Variants in NSUN7 observed in about 807,000 individuals in gnomAD.
NSUN7 encodes protein NSUN7.
Under a neutral mutation model 58.5 loss-of-function variants are expected in NSUN7, and 39 were observed. The ratio of observed to expected loss-of-function variants is 0.67; its 90% confidence interval spans 0.52 to 0.87. The LOEUF is 0.87. NSUN7 is among the 40% of genes least tolerant of loss of function. The pLI is 0.00. For synonymous variants in NSUN7, 278 were observed against 303.7 expected (o/e 0.92, Z 0.88); for missense variants, 765 against 844.1 (o/e 0.91, Z 1.16).
intron 7 of NSUN7, among the ~76,000 whole-genome samples, chr4:40,780,345 G>T: frequency 6.6e-6 from 1 of 152,142 alleles, no homozygotes. Flanking sequence ...GCTCATTCCT[G>T]TAATTCCATT....
At chr4:40,807,744 T>A (rs893796135) in intron 11 of NSUN7, among the ~76,000 whole-genome samples, 2 of 152,006 alleles carry the variant, frequency 1.3e-5, no homozygotes, top group Non-Finnish European at 2.9e-5. Context: ...TCTTCCCTCA[T>A]ATGTAAGAAA....
At chr4:40,804,741 T>C (rs1294046328) in intron 10 of NSUN7, among the ~76,000 whole-genome samples, 1 of 152,164 alleles carries the variant, frequency 6.6e-6, no homozygotes, top group Non-Finnish European at 1.5e-5. Context: ...CATGCTTCTC[T>C]GGTCTTAGTA....
At chr4:40,767,236 CT>C (rs1325781512) in intron 4 of NSUN7, among the ~76,000 whole-genome samples, 1 of 152,108 alleles carries the variant, frequency 6.6e-6, no homozygotes, top group Non-Finnish European at 1.5e-5. Flanking sequence ...ATAAATTTCC[CT>C]CTACACACTG....
At chr4:40,783,918 G>C (rs2154288221) in intron 7 of NSUN7, among the ~76,000 whole-genome samples, 1 of 151,488 alleles carries the variant, frequency 6.6e-6, no homozygotes, top group Admixed American at 6.6e-5. Context: ...AAAGGGACTT[G>C]TATTCAGAAT....
chr4:40,777,050 AG>A (rs2154287775), intron 7 of NSUN7, among the ~76,000 whole-genome samples: 1 of 152,382 alleles, frequency 6.6e-6, no homozygotes, highest in Admixed American at 6.5e-5. Flanking sequence ...TCACAGGGAT[AG>A]GGAGACAAAA....
intron 9 of NSUN7, among the ~76,000 whole-genome samples, chr4:40,796,144 G>A (rs1013502696): frequency 6.6e-6 from 1 of 152,064 alleles, no homozygotes; most frequent in Admixed American, 6.6e-5. Flanking sequence ...AAACCTGGCG[G>A]ATCACTTGAG....
At chr4:40,802,465 T>C (rs1229768080) in intron 10 of NSUN7, among the ~76,000 whole-genome samples, 2 of 152,228 alleles carry the variant, frequency 1.3e-5, no homozygotes, top group Non-Finnish European at 2.9e-5. Context: ...AGTAGGGTTC[T>C]GGAGGTCCCT....
In NSUN7 at chr4:40,809,753, CAA is replaced by C. The variant is rs1744089210; in HGVS notation, c.*815_*816del. On this transcript the variant is annotated 3_prime_UTR_variant, in exon 12 of 12. Coordinates refer to ENST00000381782, the MANE Select transcript of NSUN7 (RefSeq NM_024677.6). The stretch of plus-strand genomic sequence containing the variant: ...TTTCTGATTCTAAGATCAGGGGATA[CAA>C]CAAAATCTACAAGTCATTTCAAATA... 6.6e-6 allele frequency: 1 copy of C among 152,170 alleles called. No homozygotes were observed. Among genetic ancestry groups the C allele is most frequent in the Non-Finnish European group, 1.5e-5 (1 of 68,018 alleles). 9.4% of individuals were successfully genotyped at this position (152,170 alleles called of 1,614,324 possible). A position where few individuals can be genotyped will look rare whatever the true frequency, so the allele number is the denominator to read the frequency against.
chr4:40,753,440 A>AT (rs1207429746), intron 2 of NSUN7, among the ~76,000 whole-genome samples: 2 of 151,902 alleles, frequency 1.3e-5, no homozygotes, highest in African/African-American at 4.8e-5. Flanking sequence ...CGCCTGGCTA[A>AT]TTTTTTATTT....
At chr4:40,804,313 G>C (rs188010911) in intron 10 of NSUN7, among the ~76,000 whole-genome samples, 2 of 151,908 alleles carry the variant, frequency 1.3e-5, no homozygotes, top group Admixed American at 1.3e-4. Flanking sequence ...GGTGTCAGGC[G>C]CCTGTAATCC....
Position 40,807,101 on chromosome 4 carries a change from A to G in NSUN7, c.1441A>G (p.Ile481Val). Residue 481 changes from isoleucine (I) to valine (V), a missense_variant, in exon 11 of 12, where the codon ATT becomes GTT. Transcript: ENST00000381782. ...TCTTCCACTGTGCTCCTTAAAGGAA[A>G]TTCAATTGTCTACTGATAAATTTTT... ...PVLPLCSLKE[I>V]QLSTDKFFRM... The G allele has an allele frequency of 1.3e-6, 2 of 1,551,718 alleles. No individual in the cohort carries two copies. Among genetic ancestry groups the G allele is most frequent in the African/African-American group, 2.7e-5 (2 of 73,164 alleles).
In NSUN7 at chr4:40,757,629, A is replaced by G. The variant is rs1178934603; in HGVS notation, c.299-2805A>G. On this transcript the variant is annotated intron_variant, in intron 2 of 11. Transcript: ENST00000381782. ...ATATACATTGTGTGTATATATATATACATTGTGTGTATATATATACATTGT... is the reference window on the plus strand; with the variant it reads ...ATATACATTGTGTGTATATATATATGCATTGTGTGTATATATATACATTGT... 3.4e-5 allele frequency among the ~76,000 whole-genome samples: 5 copies of G among 146,670 alleles called. No homozygotes were observed. The Admixed American group carries it at 3.4e-4, about 10-fold the overall frequency.
At chr4:40,802,592 C>A (rs1743633458) in intron 10 of NSUN7, among the ~76,000 whole-genome samples, 1 of 150,878 alleles carries the variant, frequency 6.6e-6, no homozygotes, top group African/African-American at 2.4e-5. Context: ...TACAGCCACA[C>A]CAGCATGTAC....
rs1560553044 is a variant in NSUN7 at position 40,775,177 on chromosome 4, T to C, written c.825+227T>C. ...TAAAGAACATATTCTTCTCCCAGAT[T>C]CCATGAATGGGAAGATTTGCATTGC... On this transcript the variant is annotated intron_variant, in intron 6 of 11. Coordinates refer to ENST00000381782, the MANE Select transcript of NSUN7 (RefSeq NM_024677.6). The surrounding 1 kb of genome is among the most constrained non-coding windows in gnomAD (Gnocchi z 4.3). The C allele has an allele frequency of 4.3e-6, 1 of 233,034 alleles. No homozygotes were observed. The highest frequency in any genetic ancestry group is 8.2e-6 in the Non-Finnish European group (1 of 121,776). 14.4% of individuals were successfully genotyped at this position (233,034 alleles called of 1,614,324 possible). A position where few individuals can be genotyped will look rare whatever the true frequency, so the allele number is the denominator to read the frequency against.
chr4:40,758,363 T>A (rs1485778486), intron 2 of NSUN7, among the ~76,000 whole-genome samples: 3 of 152,228 alleles, frequency 2.0e-5, no homozygotes, highest in Admixed American at 6.5e-5. Flanking sequence ...TTGAAAGTAC[T>A]AAGGATGTGA....
Position 40,808,880 on chromosome 4 carries a change from GA to G in NSUN7, c.2102del (p.Lys701SerfsTer41). On this transcript the variant is annotated frameshift_variant, in exon 12 of 12. Transcript: ENST00000381782. LOFTEE classifies it high-confidence loss of function. ...LPTHSLSRKE[E>X]KPKDDTPSSL... Reference sequence around the variant, plus strand: ...CACACACTCACTATCCAGAAAAGAGGAAAAGCCTAAAGATGACACACCTTCC... The same window carrying G: ...CACACACTCACTATCCAGAAAAGAGGAAAGCCTAAAGATGACACACCTTCC... The G allele has an allele frequency of 1.3e-6, 2 of 1,545,826 alleles. No individual in the cohort carries two copies.
intron 8 of NSUN7, among the ~76,000 whole-genome samples, chr4:40,794,135 GAAAAACAATATTAA>G: frequency 6.6e-6 from 1 of 152,104 alleles, no homozygotes; most frequent in South Asian, 2.1e-4. Context: ...GCAACTTGGA[GAAAAACAATATTAA>G]ATATTTTCAA....
At chr4:40,774,124 C>T (rs2154287612) in intron 4 of NSUN7, 141 bp from the exon 5 acceptor site, 16 of 786,040 alleles carry the variant, frequency 2.0e-5, no homozygotes, top group South Asian at 1.9e-4. Flanking sequence ...AAATATGACA[C>T]ATTTTTATTT....
intron 7 of NSUN7, among the ~76,000 whole-genome samples, chr4:40,778,180 A>G (rs1054147966): frequency 7.9e-5 from 12 of 152,212 alleles, no homozygotes; most frequent in Non-Finnish European, 7.3e-5. Flanking sequence ...TAAGACACAC[A>G]TGAGACTCAG....
Sources: allele counts gnomAD v4.1 joint callset (sites outside exome capture counted in the v4.1 genomes callset), GRCh38; gene constraint gnomAD v4.1.1; non-coding constraint Gnocchi (gnomAD v3.1); transcripts MANE v1.5; gene names NCBI Gene and HGNC (gene_info 2026-07-23, HGNC 2026-07-21).